STK10: variants seen among roughly 807,000 people sequenced by gnomAD.
The protein encoded by STK10 is serine/threonine kinase 10, also known as serine/threonine-protein kinase 10.
Under a neutral mutation model 113.8 loss-of-function variants are expected in STK10, and 78 were observed. The observed-to-expected ratio is 0.69, with a 90% CI of 0.57 to 0.83. The LOEUF (loss-of-function observed/expected upper bound fraction) is 0.83, where lower values mean the gene tolerates loss of function less well. Among genes scored for constraint, STK10 ranks in the 40% least tolerant of loss-of-function variants. The pLI is 0.00. For missense variants in STK10, 1,109 were observed against 1,280.1 expected (o/e 0.87, Z 2.04); for synonymous variants, 465 against 494.7 (o/e 0.94, Z 0.80).
In STK10 at chr5:172,064,733, T is replaced by C. The variant is rs751088982; in HGVS notation, c.2069A>G (p.Lys690Arg). 39 of 1,614,014 alleles carry C rather than the reference T, an allele frequency of 2.4e-5. No individual in the cohort carries two copies. In the Admixed American group the frequency reaches 6.3e-4, roughly 26 times the overall value. ...MKQKMEEHTQKKQLLDRDFVA... is the reference protein window; with the variant it reads ...MKQKMEEHTQRKQLLDRDFVA... ...CCAGGGACTCACAAGAAGCTGCTTT[T>C]TCTGCGTGTGCTCCTCCATCTTCTG... is the stretch of plus-strand genomic sequence containing the variant. Residue 690 changes from lysine to arginine, a missense_variant, in exon 13 of 19, where the codon AAA becomes AGA. Physicochemically the swap from Lys to Arg is conservative, Grantham distance 26 (BLOSUM62 2). This residue lies in a region of STK10 where 885 missense variants were observed against 991.1 expected (regional missense o/e 0.89). Coordinates refer to ENST00000176763, the MANE Select transcript of STK10 (RefSeq NM_005990.4).
rs757697122 is a variant in STK10 at position 172,127,359 on chromosome 5, CAAGT to C, written c.370+10_370+13del. ...GTCTGGTCCCGACAATGCACCGAAT[CAAGT>C]AAGACTCACCCAGCATGATGGCGTC... On this transcript the variant is annotated intron_variant, in intron 3 of 18. Transcript: ENST00000176763. 1.9e-6 allele frequency: 3 copies of C among 1,613,766 alleles called. No homozygotes were observed. Among genetic ancestry groups the C allele is most frequent in the Non-Finnish European group, 2.5e-6 (3 of 1,179,778 alleles).
intron 1 of STK10, among the ~76,000 whole-genome samples, chr5:172,161,194 G>A (rs1446893829): frequency 1.3e-5 from 2 of 152,202 alleles, no homozygotes; most frequent in Non-Finnish European, 2.9e-5. Context: ...GCGCACGCCT[G>A]TAATCCTAGC....
chr5:172,095,054 G>A (rs1768817202), intron 8 of STK10, among the ~76,000 whole-genome samples: 1 of 152,208 alleles, frequency 6.6e-6, no homozygotes, highest in Admixed American at 6.5e-5. Flanking sequence ...CCTTCTCAGT[G>A]GCAATGCTCT....
intron 6 of STK10, among the ~76,000 whole-genome samples, chr5:172,105,983 C>T (rs10064881): frequency 0.013 from 1,967 of 152,298 alleles, 36 homozygotes; most frequent in African/African-American, 0.044. Flanking sequence ...TCAGCAGTGC[C>T]GGGATTTGAA....
intron 4 of STK10, among the ~76,000 whole-genome samples, chr5:172,111,420 C>T (rs886511394): frequency 5.3e-5 from 8 of 152,242 alleles, no homozygotes; most frequent in African/African-American, 1.9e-4. Flanking sequence ...TCCCCAGGGC[C>T]TCCCTCAGGC....
At chr5:172,081,760 G>T (rs971585392) in intron 12 of STK10, among the ~76,000 whole-genome samples, 4 of 152,140 alleles carry the variant, frequency 2.6e-5, no homozygotes, top group Non-Finnish European at 5.9e-5. Flanking sequence ...CTGCCCTGGG[G>T]GCTTCCAGCC....
At chr5:172,090,752 C>G (rs1489411734) in intron 9 of STK10, among the ~76,000 whole-genome samples, 1 of 151,734 alleles carries the variant, frequency 6.6e-6, no homozygotes, top group African/African-American at 2.4e-5. Flanking sequence ...CTGGCCAACA[C>G]AGTGAAACCC....
In STK10 at chr5:172,043,897, G is replaced by C. The variant is rs2113673996; in HGVS notation, c.*985C>G. On this transcript the variant is annotated 3_prime_UTR_variant, in exon 19 of 19. Transcript: ENST00000176763. ...TGGGGCAGAGGCAAACAGCCCTCCTGTTTCACCTGCAGACAGGGTGGGCCA... is the reference window on the plus strand; with the variant it reads ...TGGGGCAGAGGCAAACAGCCCTCCTCTTTCACCTGCAGACAGGGTGGGCCA... 6.6e-6 allele frequency: 1 copy of C among 152,448 alleles called. No individual in the cohort carries two copies. The highest frequency in any genetic ancestry group is 2.1e-4 in the South Asian group (1 of 4,832). The allele number at this position is 152,448 out of a possible 1,614,324, so 9.4% of individuals were successfully genotyped here. A position where few individuals can be genotyped will look rare whatever the true frequency, so the allele number is the denominator to read the frequency against.
At position 172,106,116 on chromosome 5, in the gene STK10, T is replaced by C. The variant is rs550692740; in HGVS notation, c.789-379A>G. ...TTGGTTTGCTCTGGTGAAGATCTCA[T>C]GTCAAGTGCACAGAGGCAGCACGGT... is the stretch of plus-strand genomic sequence containing the variant. On this transcript the variant is annotated intron_variant, in intron 6 of 18. Coordinates refer to ENST00000176763, the MANE Select transcript of STK10 (RefSeq NM_005990.4). Among the ~76,000 whole-genome samples the C allele has an allele frequency of 5.9e-5, 9 of 151,860 alleles. No individual in the cohort carries two copies. The South Asian group carries it at 1.9e-3, about 32-fold the overall frequency.
At chr5:172,090,812 G>A (rs906378758) in intron 9 of STK10, among the ~76,000 whole-genome samples, 20 of 151,898 alleles carry the variant, frequency 1.3e-4, no homozygotes, top group Non-Finnish European at 2.6e-4. Context: ...GCAGGTGCCT[G>A]TAATCACAGC....
intron 10 of STK10, among the ~76,000 whole-genome samples, chr5:172,089,415 T>TGGATGGATGGATGGATGGATGGAGGGAA (rs1554118116): frequency 4.7e-5 from 7 of 148,228 alleles, no homozygotes; most frequent in Non-Finnish European, 5.9e-5. Context: ...GATGGATGGA[T>TGGATGGATGGATGGATGGATGGAGGGAA]GGATGGATGG....
intron 7 of STK10, among the ~76,000 whole-genome samples, chr5:172,101,878 C>T (rs1055550542): frequency 2.7e-5 from 4 of 145,856 alleles, no homozygotes; most frequent in African/African-American, 5.0e-5. Flanking sequence ...AGGAACATGC[C>T]GTGTTCAGAG....
chr5:172,183,477 CAG>C (rs1770898293), intron 1 of STK10, among the ~76,000 whole-genome samples: 2 of 142,996 alleles, frequency 1.4e-5, no homozygotes, highest in Admixed American at 7.1e-5. Flanking sequence ...TTTTTTGAGA[CAG>C]AGTTTCACTC....
chr5:172,147,337 GA>G (rs112405713), intron 2 of STK10, among the ~76,000 whole-genome samples: 3 of 150,622 alleles, frequency 2.0e-5, no homozygotes, highest in Non-Finnish European at 4.4e-5. Flanking sequence ...GACGTGATTG[GA>G]AAAAAAAGTG....
chr5:172,183,827 A>G (rs1420463922), intron 1 of STK10, among the ~76,000 whole-genome samples: 2 of 152,214 alleles, frequency 1.3e-5, no homozygotes, highest in African/African-American at 4.8e-5. Context: ...TTGCATTCAC[A>G]TAGGCATTGA....
chr5:172,175,618 G>C (rs548008476), intron 1 of STK10, among the ~76,000 whole-genome samples: 1 of 152,030 alleles, frequency 6.6e-6, no homozygotes, highest in South Asian at 2.1e-4. Flanking sequence ...CTCTGCATGA[G>C]AGGCCACCAT....
intron 14 of STK10, among the ~76,000 whole-genome samples, chr5:172,059,615 GC>G (rs1218439780): frequency 6.6e-6 from 1 of 151,928 alleles, no homozygotes; most frequent in Non-Finnish European, 1.5e-5. Context: ...ACCCAGAGAC[GC>G]CCCGTCTGAG....
intron 10 of STK10, among the ~76,000 whole-genome samples, chr5:172,085,924 TAACTGCTCACAG>T (rs1156627091): frequency 1.3e-5 from 2 of 151,870 alleles, no homozygotes; most frequent in African/African-American, 4.8e-5. Flanking sequence ...GGAGGGGCCA[TAACTGCTCACAG>T]AACTGCCCCC....
chr5:172,114,289 C>CGTGTGT (rs111441878), intron 4 of STK10, among the ~76,000 whole-genome samples: 16,112 of 138,302 alleles, frequency 0.12, 992 homozygotes, highest in Non-Finnish European at 0.14. Flanking sequence ...TAGCTACTCT[C>CGTGTGT]GTGTGTGTGT....
Sources: allele counts gnomAD v4.1 joint callset (sites outside exome capture counted in the v4.1 genomes callset), GRCh38; gene constraint gnomAD v4.1.1; regional missense constraint gnomAD v4.1.1; transcripts MANE v1.5; gene names NCBI Gene and HGNC (gene_info 2026-07-23, HGNC 2026-07-21).